NXPE2: variants seen among roughly 807,000 people sequenced by gnomAD.
NXPE2 encodes the protein neurexophilin and PC-esterase domain family member 2.
A neutral mutation model predicts 34.4 loss-of-function variants in NXPE2; 34 were observed. The ratio of observed to expected loss-of-function variants is 0.99; its 90% CI spans 0.75 to 1.31. The LOEUF is 1.31. NXPE2 is among the 40% of genes most tolerant of loss of function. The pLI, the probability that NXPE2 is intolerant of heterozygous loss-of-function variation, is 0.00. For synonymous variants in NXPE2, 235 were observed against 231.3 expected, an observed-to-expected ratio of 1.02 and a Z score of -0.15; for missense variants, 649 against 672.5, an observed-to-expected ratio of 0.97 and a Z score of 0.39.
At chr11:114,640,176 T>A in the NXPE2 span, among the ~76,000 whole-genome samples, 1 of 114,752 alleles carries the variant, frequency 8.7e-6, no homozygotes, top group Non-Finnish European at 1.7e-5. Context: ...ATAAATAATT[T>A]ATATATTATA....
chr11:114,530,346 C>T, the NXPE2 span: 21 of 1,614,060 alleles, frequency 1.3e-5, no homozygotes, highest in African/African-American at 5.3e-5. Flanking sequence ...TAGGGTCAGG[C>T]CACATTCAGT....
chr11:114,605,397 G>A, the NXPE2 span, among the ~76,000 whole-genome samples: 1 of 151,646 alleles, frequency 6.6e-6, no homozygotes, highest in Non-Finnish European at 1.5e-5. Flanking sequence ...GGTAACCACT[G>A]TTACCTGGTG....
At chr11:114,778,123 A>C in the NXPE2 span, among the ~76,000 whole-genome samples, 1 of 152,244 alleles carries the variant, frequency 6.6e-6, no homozygotes, top group Admixed American at 6.5e-5. Flanking sequence ...ATGGTGTCTC[A>C]TAATCCTTCC....
At chr11:114,637,196 T>C in the NXPE2 span, among the ~76,000 whole-genome samples, 2 of 151,986 alleles carry the variant, frequency 1.3e-5, 1 homozygote, top group Non-Finnish European at 2.9e-5. Context: ...CTTGTTGAGT[T>C]GATCCCTTTA....
chr11:114,505,057 C>A, the NXPE2 span, among the ~76,000 whole-genome samples: 1 of 152,032 alleles, frequency 6.6e-6, no homozygotes, highest in East Asian at 1.9e-4. Context: ...CCTGATAGAA[C>A]TGAAAAACAC....
chr11:114,524,677 T>A, the NXPE2 span, among the ~76,000 whole-genome samples: 1 of 152,218 alleles, frequency 6.6e-6, no homozygotes. Flanking sequence ...ATCCTAATAA[T>A]GTACTGGCAC....
the NXPE2 span, among the ~76,000 whole-genome samples, chr11:114,741,395 C>T: frequency 2.0e-5 from 3 of 152,094 alleles, no homozygotes; most frequent in Non-Finnish European, 4.4e-5. Context: ...GCCATTACTA[C>T]TTTAAATTAG....
At chr11:114,797,903 T>C in the NXPE2 span, among the ~76,000 whole-genome samples, 1 of 152,326 alleles carries the variant, frequency 6.6e-6, no homozygotes, top group African/African-American at 2.4e-5. Flanking sequence ...TCACTTAAAG[T>C]AATTGCTTCT....
the NXPE2 span, chr11:114,594,579 T>A: frequency 1.2e-6 from 1 of 831,770 alleles, no homozygotes; most frequent in Non-Finnish European, 2.0e-6. Context: ...AATCTACAAG[T>A]CTTGTAGTTT....
the NXPE2 span, chr11:114,530,287 C>T: frequency 2.5e-6 from 4 of 1,614,080 alleles, no homozygotes; most frequent in Admixed American, 6.7e-5. Flanking sequence ...CAATAGAAGG[C>T]TTCTTGGTCT....
the NXPE2 span, among the ~76,000 whole-genome samples, chr11:114,760,820 A>G: frequency 6.6e-6 from 1 of 152,114 alleles, no homozygotes. Context: ...CCCCCCAAAC[A>G]CACATTTTAA....
At chr11:114,636,674 A>G in the NXPE2 span, among the ~76,000 whole-genome samples, 2 of 151,848 alleles carry the variant, frequency 1.3e-5, no homozygotes, top group South Asian at 2.1e-4. Context: ...CTTTGTTCTC[A>G]TTGATTTCAA....
At chr11:114,582,063 T>A in the NXPE2 span, among the ~76,000 whole-genome samples, 1 of 152,204 alleles carries the variant, frequency 6.6e-6, no homozygotes, top group African/African-American at 2.4e-5. Flanking sequence ...TTCTAGTTTT[T>A]ATTCTGTATA....
Position 114,705,844 on chromosome 11 carries a change from C to T in NXPE2, c.992C>T (p.Thr331Ile). The change falls in exon 5 of 6, where the codon ACT (threonine) becomes ATT (isoleucine). Residue 331 changes from threonine to isoleucine, a missense_variant. Coordinates refer to ENST00000389586, the MANE Select transcript of NXPE2 (RefSeq NM_182495.6). ...GMKTPFPSGY[T>I]LKKMWITAFC... is the part of the protein sequence containing the mutation. The stretch of plus-strand genomic sequence containing the variant: ...AAGACTCCTTTCCCCAGTGGTTATA[C>T]TTTGAAAAAAATGTGGATTACAGCA... 1.3e-6 allele frequency: 2 copies of T among 1,540,966 alleles called. No individual in the cohort carries two copies. Among genetic ancestry groups the T allele is most frequent in the Non-Finnish European group, 8.8e-7 (1 of 1,142,478 alleles).
chr11:114,581,676 T>A, the NXPE2 span: 2 of 1,421,048 alleles, frequency 1.4e-6, no homozygotes, highest in South Asian at 2.3e-5. Flanking sequence ...AGAAACCCTT[T>A]AAATGGGTCT....
chr11:114,698,079 A>G lies in NXPE2; in HGVS notation c.167A>G (p.Asn56Ser), dbSNP rs1275738430. Residue 56 changes from asparagine (N) to serine (S), a missense_variant, in exon 3 of 6, where the codon AAC (asparagine) becomes AGC (serine). Transcript: ENST00000389586. ...AACTTGGAAAACCATATTATCCTGA[A>G]CCAAGGGAACATCTTCAAAAAATAT... is the stretch of plus-strand genomic sequence containing the variant. ...SFNLENHIIL[N>S]QGNIFKKYSH... The G allele has an allele frequency of 6.3e-7, 1 of 1,589,068 alleles. No homozygotes were observed. The highest frequency in any genetic ancestry group is 8.6e-7 in the Non-Finnish European group (1 of 1,166,454).
the NXPE2 span, among the ~76,000 whole-genome samples, chr11:114,636,046 G>T: frequency 2.0e-5 from 3 of 151,894 alleles, no homozygotes; most frequent in Non-Finnish European, 2.9e-5. Flanking sequence ...AACGGTACCA[G>T]TTCCTCCTTG....
At chr11:114,688,629 C>T (rs1228408402) in intron 2 of NXPE2, among the ~76,000 whole-genome samples, 1 of 151,942 alleles carries the variant, frequency 6.6e-6, no homozygotes, top group African/African-American at 2.4e-5. Context: ...GTTCTTTCTC[C>T]TTGATTTTTT....
chr11:114,706,673 C>A lies in NXPE2; in HGVS notation c.1423C>A (p.Arg475Ser). 6.4e-7 allele frequency: 1 copy of A among 1,552,014 alleles called. No individual in the cohort carries two copies. The highest frequency in any genetic ancestry group is 1.7e-4 in the Middle Eastern group (1 of 5,994). Residue 475 changes from arginine to serine, a missense_variant, in exon 6 of 6, where the codon CGT (arginine) becomes AGT (serine). Coordinates refer to ENST00000389586, the MANE Select transcript of NXPE2 (RefSeq NM_182495.6). The part of the protein sequence containing the change: ...RAINIQKAIE[R>S]LFLRSPETKV... The stretch of plus-strand genomic sequence containing the variant: ...CATCAATATTCAAAAGGCCATTGAA[C>A]GTCTATTCTTGCGAAGCCCGGAGAC...
Sources: gnomAD v4.1 joint callset for allele counts (sites outside exome capture counted in the v4.1 genomes callset) on GRCh38, gnomAD v4.1.1 for gene constraint, MANE v1.5 for transcripts, NCBI Gene and HGNC (gene_info 2026-07-23, HGNC 2026-07-21) for gene names.